Variants in CELF2 observed in about 807,000 individuals in gnomAD.
CELF2 encodes the protein CUGBP Elav-like family member 2.
Under a neutral mutation model 62.6 loss-of-function variants are expected in CELF2, and 8 were observed. The ratio of observed to expected loss-of-function variants is 0.13; its 90% confidence interval spans 0.07 to 0.23. The LOEUF (loss-of-function observed/expected upper bound fraction) is 0.23. CELF2 is among the 10% of genes least tolerant of loss of function. The pLI, the probability that CELF2 is intolerant of heterozygous loss-of-function variation, is 1.00. For synonymous variants in CELF2, 258 were observed against 250.0 expected, an observed-to-expected ratio of 1.03 and a Z score of -0.30; for missense variants, 333 against 671.0, an observed-to-expected ratio of 0.50 and a Z score of 5.56.
At chr10:10,510,938 C>T in the CELF2 span, among the ~76,000 whole-genome samples, 1 of 152,078 alleles carries the variant, frequency 6.6e-6, no homozygotes, top group Non-Finnish European at 1.5e-5. Flanking sequence ...ATACAAAGGC[C>T]AGAGGCACTA....
intron 2 of CELF2, among the ~76,000 whole-genome samples, chr10:10,982,360 AC>A (rs1210620293): frequency 6.6e-6 from 1 of 151,758 alleles, no homozygotes; most frequent in Non-Finnish European, 1.5e-5. Context: ...GTTACCCCAA[AC>A]CCCCACAGAG....
chr10:11,176,373 A>G (rs1210836363), intron 2 of CELF2, among the ~76,000 whole-genome samples: 1 of 152,112 alleles, frequency 6.6e-6, no homozygotes, highest in African/African-American at 2.4e-5. Flanking sequence ...TTTTCCTTGT[A>G]ATGGTGTTTG....
In CELF2 at chr10:10,957,767, C is replaced by T. The variant is rs1181426625; in HGVS notation, c.89+37768C>T. On this transcript the variant is annotated intron_variant, in intron 2 of 13. Coordinates refer to the CELF2 transcript ENST00000636488. This position sits in a 1 kb window ranked among gnomAD's most constrained non-coding sequence, Gnocchi z 4.1. The stretch of plus-strand genomic sequence containing the variant: ...GTTTGAAAGTCAGGACAAACACGGG[C>T]CCTTTAACTCACAAACCACGTTTTT... Among the ~76,000 whole-genome samples the T allele has an allele frequency of 6.6e-6, 1 of 152,180 alleles. No individual in the cohort carries two copies. Among genetic ancestry groups the T allele is most frequent in the African/African-American group, 2.4e-5 (1 of 41,450 alleles).
the CELF2 span, among the ~76,000 whole-genome samples, chr10:10,690,574 C>A: frequency 6.6e-6 from 1 of 152,138 alleles, no homozygotes; most frequent in Non-Finnish European, 1.5e-5. Context: ...AGACAGACCA[C>A]CTGCATGCAA....
chr10:11,321,070 T>C lies in CELF2; in HGVS notation c.1097-119T>C. On this transcript the variant is annotated intron_variant, in intron 10 of 12. Coordinates refer to ENST00000633077, the MANE Select transcript of CELF2 (RefSeq NM_001326342.2). This position sits in a 1 kb window ranked among gnomAD's most constrained non-coding sequence, Gnocchi z 6.2. Reference sequence around the variant, plus strand: ...ATTTTTAGTTTCCTGTCAGTGTAATTGTGTGCTAGCTGCATGTACTTGCTG... The same window carrying C: ...ATTTTTAGTTTCCTGTCAGTGTAATCGTGTGCTAGCTGCATGTACTTGCTG... 1 of 1,304,988 alleles carries C rather than the reference T, an allele frequency of 7.7e-7. No individual in the cohort carries two copies. The highest frequency in any genetic ancestry group is 1.5e-5 in the African/African-American group (1 of 68,364). The allele number at this position is 1,304,988 out of a possible 1,614,324, so 80.8% of individuals were successfully genotyped here. A position where few individuals can be genotyped will look rare whatever the true frequency, so the allele number is the denominator to read the frequency against.
intron 1 of CELF2, among the ~76,000 whole-genome samples, chr10:10,903,442 A>C (rs2063093791): frequency 6.6e-6 from 1 of 152,214 alleles, no homozygotes. Context: ...CTTTCCAATA[A>C]GCAAACCCAA....
At chr10:10,660,350 T>C in the CELF2 span, among the ~76,000 whole-genome samples, 8 of 152,344 alleles carry the variant, frequency 5.3e-5, 1 homozygote, top group Middle Eastern at 0.017. Flanking sequence ...CAAGTGATAG[T>C]GTGTGTTGGA....
intron 2 of CELF2, among the ~76,000 whole-genome samples, chr10:10,955,202 C>A (rs1000674592): frequency 6.6e-6 from 1 of 152,200 alleles, no homozygotes; most frequent in Non-Finnish European, 1.5e-5. Flanking sequence ...CAATAGGTAA[C>A]CTGCTCAAGG....
At chr10:10,666,108 T>A in the CELF2 span, among the ~76,000 whole-genome samples, 1 of 152,234 alleles carries the variant, frequency 6.6e-6, no homozygotes. Flanking sequence ...CTTTCTTTCA[T>A]ACTTATTTAC....
the CELF2 span, among the ~76,000 whole-genome samples, chr10:10,777,165 G>T: frequency 1.3e-5 from 2 of 152,026 alleles, no homozygotes; most frequent in Non-Finnish European, 2.9e-5. Flanking sequence ...TTTACACTCT[G>T]ACCACACCAG....
At chr10:11,065,410 A>G (rs960907111) in intron 1 of CELF2, among the ~76,000 whole-genome samples, 3 of 152,204 alleles carry the variant, frequency 2.0e-5, no homozygotes, top group Admixed American at 1.3e-4. Context: ...AAATGAGCTC[A>G]GATTCTTTTG....
the CELF2 span, among the ~76,000 whole-genome samples, chr10:10,730,456 G>A: frequency 7.1e-3 from 1,087 of 152,220 alleles, 13 homozygotes; most frequent in African/African-American, 0.024. Context: ...CATCCTGGGC[G>A]ACAGAGCAAG....
intron 2 of CELF2, among the ~76,000 whole-genome samples, chr10:11,203,340 C>T (rs1298651627): frequency 2.0e-5 from 3 of 152,156 alleles, no homozygotes; most frequent in African/African-American, 7.2e-5. Flanking sequence ...AAGATAAATC[C>T]TCTTCCTACC....
the CELF2 span, chr10:10,786,858 T>C: frequency 6.6e-6 from 1 of 152,056 alleles, no homozygotes; most frequent in Admixed American, 6.6e-5. Context: ...TTGATCTTTA[T>C]TTGCCTATAA....
rs1332142670 is a variant in CELF2 at position 11,165,746 on chromosome 10, C to T, written c.271+64C>T. 8 of 1,448,970 alleles carry T rather than the reference C, an allele frequency of 5.5e-6. No individual in the cohort carries two copies. Among genetic ancestry groups the T allele is most frequent in the Non-Finnish European group, 3.7e-6 (4 of 1,071,570 alleles). 89.8% of individuals were successfully genotyped at this position (1,448,970 alleles called of 1,614,324 possible). ...GGGCGTCGCGGGGCACTGGGGCTGT[C>T]CGAGCCCCCAGCCTGCAGGAGGAAG... On this transcript the variant is annotated intron_variant, in intron 2 of 12. Coordinates refer to ENST00000633077, the MANE Select transcript of CELF2 (RefSeq NM_001326342.2). This position sits in a 1 kb window ranked among gnomAD's most constrained non-coding sequence, Gnocchi z 7.4.
At chr10:10,758,870 C>G in the CELF2 span, among the ~76,000 whole-genome samples, 1 of 152,128 alleles carries the variant, frequency 6.6e-6, no homozygotes, top group East Asian at 1.9e-4. Flanking sequence ...TGACATATGC[C>G]TCACTGTGTT....
chr10:11,102,792 C>T (rs1383250050), intron 1 of CELF2, among the ~76,000 whole-genome samples: 1 of 152,184 alleles, frequency 6.6e-6, no homozygotes, highest in Non-Finnish European at 1.5e-5. Context: ...CTCAACCAAG[C>T]ATGCCTTGGA....
At chr10:11,086,336 A>G (rs12359223) in intron 1 of CELF2, among the ~76,000 whole-genome samples, 1,608 of 152,048 alleles carry the variant, frequency 0.011, 19 homozygotes, top group South Asian at 0.027. Flanking sequence ...TTGACTTTGG[A>G]CAGGAGTCCA....
the CELF2 span, among the ~76,000 whole-genome samples, chr10:10,667,866 C>G: frequency 1.3e-5 from 2 of 152,196 alleles, no homozygotes; most frequent in Non-Finnish European, 2.9e-5. Flanking sequence ...TGCATTGCAG[C>G]TTTTTACCAT....
Sources: allele counts gnomAD v4.1 joint callset (sites outside exome capture counted in the v4.1 genomes callset), GRCh38; gene constraint gnomAD v4.1.1; non-coding constraint Gnocchi (gnomAD v3.1); transcripts MANE v1.5; gene names NCBI Gene and HGNC (gene_info 2026-07-23, HGNC 2026-07-21).